The following STXBP5 variants were observed in gnomAD, a reference collection of about 807,000 sequenced individuals.
The protein encoded by STXBP5 is syntaxin binding protein 5, also known as syntaxin-binding protein 5.
Under a neutral mutation model 152.4 loss-of-function variants are expected in STXBP5, and 50 were observed. The ratio of observed to expected loss-of-function variants is 0.33; its 90% CI spans 0.26 to 0.42. STXBP5 has a LOEUF of 0.42. STXBP5 is among the 10% of genes least tolerant of loss of function. The probability of loss-of-function intolerance (pLI) is 1.00; values close to 1 mark genes in which losing one functional copy is unlikely to be tolerated. For synonymous variants in STXBP5, 492 were observed against 494.7 expected, an observed-to-expected ratio of 0.99 and a Z score of 0.07; for missense variants, 1,167 against 1,388.6, an observed-to-expected ratio of 0.84 and a Z score of 2.54.
At chr6:147,335,119 T>C (rs1303967769) in intron 19 of STXBP5, among the ~76,000 whole-genome samples, 1 of 152,198 alleles carries the variant, frequency 6.6e-6, no homozygotes, top group East Asian at 1.9e-4. Flanking sequence ...AAAATGTACC[T>C]ATGCATTTTC....
At chr6:147,272,112 A>G (rs1780200904) in intron 7 of STXBP5, among the ~76,000 whole-genome samples, 1 of 152,214 alleles carries the variant, frequency 6.6e-6, no homozygotes, top group Admixed American at 6.5e-5. Context: ...ATTTAAGAAT[A>G]AAGTTGTAAT....
chr6:147,282,812 A>G (rs1780764388), intron 8 of STXBP5, among the ~76,000 whole-genome samples: 1 of 152,170 alleles, frequency 6.6e-6, no homozygotes, highest in South Asian at 2.1e-4. Flanking sequence ...GTTGAGGGTG[A>G]TGTGTTGCAG....
At chr6:147,274,646 A>C (rs1368069351) in intron 7 of STXBP5, among the ~76,000 whole-genome samples, 68 of 152,148 alleles carry the variant, frequency 4.5e-4, no homozygotes, top group Admixed American at 4.5e-3. Context: ...ATTATATAAG[A>C]ATAATAAAAC....
At chr6:147,346,801 A>G (rs1784357207) in intron 21 of STXBP5, among the ~76,000 whole-genome samples, 1 of 146,816 alleles carries the variant, frequency 6.8e-6, no homozygotes, top group Middle Eastern at 3.4e-3. Context: ...GGACTTAGCC[A>G]CCCACTAAAA....
At chr6:147,304,669 C>A (rs924705369) in intron 9 of STXBP5, among the ~76,000 whole-genome samples, 1 of 152,146 alleles carries the variant, frequency 6.6e-6, no homozygotes, top group Admixed American at 6.5e-5. Context: ...ATGAAAGCAA[C>A]CAGGAGGGGT....
chr6:147,257,046 C>G (rs1217258439), intron 4 of STXBP5, among the ~76,000 whole-genome samples: 3 of 151,914 alleles, frequency 2.0e-5, no homozygotes, highest in Non-Finnish European at 4.4e-5. Flanking sequence ...GTGTTACTCC[C>G]TAGTACTTAA....
chr6:147,353,338 A>G lies in STXBP5; in HGVS notation c.2270A>G (p.Lys757Arg). Residue 757 changes from lysine to arginine, a missense_variant, in exon 22 of 28, where the codon AAG (lysine) becomes AGG (arginine). Physicochemically the swap from Lys to Arg is conservative, Grantham distance 26. This residue lies in a region of STXBP5 where 833 missense variants were observed against 986.3 expected (regional missense o/e 0.84). Transcript: ENST00000321680. ...TATTTTTCAGCAAAGATGTCAAGGA[A>G]GTTAAGCTTACCTACTGACCTAAAG... Reference protein sequence around the residue: ...VANDIAKMSRKLSLPTDLKPD... With the variant: ...VANDIAKMSRRLSLPTDLKPD... The G allele has an allele frequency of 7.6e-6, 12 of 1,581,960 alleles. No individual in the cohort carries two copies. Among genetic ancestry groups the G allele is most frequent in the Non-Finnish European group, 1.0e-5 (12 of 1,163,332 alleles).
chr6:147,267,861 G>C lies in STXBP5; in HGVS notation c.714+694G>C, dbSNP rs1029244137. The stretch of plus-strand genomic sequence containing the variant: ...GATGTTGGAAGCCAGTGGTGGTTGA[G>C]GCCGAGATCTGTTACTGTATAGTAG... On this transcript the variant is annotated intron_variant, in intron 7 of 27. Transcript: ENST00000321680. 1.8e-4 allele frequency among the ~76,000 whole-genome samples: 28 copies of C among 152,104 alleles called. 1 individual carries two copies. Among genetic ancestry groups the C allele is most frequent in the South Asian group, 1.5e-3 (7 of 4,822 alleles).
chr6:147,384,767 C>T lies in STXBP5; in HGVS notation c.*12C>T, dbSNP rs1243388444. 1 of 1,610,160 alleles carries T rather than the reference C, an allele frequency of 6.2e-7. No homozygotes were observed. The highest frequency in any genetic ancestry group is 8.5e-7 in the Non-Finnish European group (1 of 1,178,450). Reference sequence around the variant, plus strand: ...GGTACCAGTTCTGACAACCAGAATCCAATAAGTCCAACTTCAGCCAGAAGG... The same window carrying T: ...GGTACCAGTTCTGACAACCAGAATCTAATAAGTCCAACTTCAGCCAGAAGG... On this transcript the variant is annotated 3_prime_UTR_variant, in exon 28 of 28. Transcript: ENST00000321680.
At chr6:147,251,583 G>GC (rs1779099404) in intron 4 of STXBP5, among the ~76,000 whole-genome samples, 1 of 152,190 alleles carries the variant, frequency 6.6e-6, no homozygotes, top group African/African-American at 2.4e-5. Context: ...AAAGGCTGCA[G>GC]CCCCAGTCAG....
intron 23 of STXBP5, among the ~76,000 whole-genome samples, chr6:147,361,354 A>C (rs1253217359): frequency 1.3e-5 from 2 of 152,220 alleles, no homozygotes; most frequent in Non-Finnish European, 2.9e-5. Flanking sequence ...TCCAACTTGC[A>C]ATAAATCAAA....
chr6:147,383,953 TC>T (rs1444243295), intron 27 of STXBP5, among the ~76,000 whole-genome samples: 1 of 152,096 alleles, frequency 6.6e-6, no homozygotes, highest in East Asian at 1.9e-4. Context: ...TGGTGGTCAA[TC>T]TAGGTCAGGA....
At chr6:147,320,875 A>G (rs1562485365) in intron 16 of STXBP5, among the ~76,000 whole-genome samples, 1 of 152,136 alleles carries the variant, frequency 6.6e-6, no homozygotes, top group Non-Finnish European at 1.5e-5. Flanking sequence ...ACAAGAATGC[A>G]TGGGAAGATT....
chr6:147,384,663 T>C, intron 27 of STXBP5, 51 bp from the exon 28 acceptor site: 2 of 1,551,650 alleles, frequency 1.3e-6, no homozygotes, highest in Non-Finnish European at 1.8e-6. Flanking sequence ...CTTATAAATG[T>C]TATTGTTCCG....
At chr6:147,220,868 A>C (rs1268929106) in intron 2 of STXBP5, among the ~76,000 whole-genome samples, 1 of 152,096 alleles carries the variant, frequency 6.6e-6, no homozygotes, top group Non-Finnish European at 1.5e-5. Context: ...GTTTAAAGTG[A>C]ATGTTGATAT....
At chr6:147,334,671 G>A (rs1783742613) in intron 19 of STXBP5, among the ~76,000 whole-genome samples, 1 of 152,004 alleles carries the variant, frequency 6.6e-6, no homozygotes. Context: ...ATTTATAGCT[G>A]TATTAAAGCA....
At chr6:147,291,212 G>T (rs896144247) in intron 9 of STXBP5, 40 bp downstream of exon 9, 1 of 1,512,872 alleles carries the variant, frequency 6.6e-7, no homozygotes, top group Admixed American at 1.8e-5. Context: ...TTGTATATAA[G>T]TCCTCAAATA....
At chr6:147,333,526 AAAAC>A (rs1240171518) in intron 18 of STXBP5, among the ~76,000 whole-genome samples, 1 of 152,214 alleles carries the variant, frequency 6.6e-6, no homozygotes, top group Non-Finnish European at 1.5e-5. Context: ...TCCGTCATAA[AAAAC>A]AAACAAAAAA....
At chr6:147,215,445 A>G (rs544669132) in intron 2 of STXBP5, among the ~76,000 whole-genome samples, 3 of 152,220 alleles carry the variant, frequency 2.0e-5, no homozygotes, top group South Asian at 4.1e-4. Context: ...TAGTGGTGCT[A>G]TCTCGGCTCA....
Sources: gnomAD v4.1 joint callset for allele counts (sites outside exome capture counted in the v4.1 genomes callset) on GRCh38, gnomAD v4.1.1 for gene constraint, gnomAD v4.1.1 regional missense constraint, MANE v1.5 for transcripts, NCBI Gene and HGNC (gene_info 2026-07-23, HGNC 2026-07-21) for gene names.